Variants in TMEM132C observed in about 807,000 individuals in gnomAD.
The protein encoded by TMEM132C is protein phosphatase 1, regulatory subunit 152.
In TMEM132C, 29 loss-of-function variants were observed where a neutral mutation model predicts 61.4. The ratio of observed to expected loss-of-function variants is 0.47; its 90% CI spans 0.35 to 0.64. TMEM132C has a LOEUF of 0.64. TMEM132C is among the 30% of genes least tolerant of loss of function. The pLI, the probability that TMEM132C is intolerant of heterozygous loss-of-function variation, is 0.00. For synonymous variants in TMEM132C, 656 were observed against 633.1 expected (o/e 1.04, Z -0.54); for missense variants, 1,408 against 1,476.9 (o/e 0.95, Z 0.76).
intron 2 of TMEM132C, among the ~76,000 whole-genome samples, chr12:128,534,899 C>A (rs1003738087): frequency 9.2e-5 from 14 of 152,218 alleles, no homozygotes; most frequent in Non-Finnish European, 1.6e-4. Context: ...TGAACATGCA[C>A]TATTAAGCGG....
At chr12:128,661,834 G>T (rs1338876854) in intron 4 of TMEM132C, among the ~76,000 whole-genome samples, 2 of 152,168 alleles carry the variant, frequency 1.3e-5, no homozygotes, top group Non-Finnish European at 2.9e-5. Flanking sequence ...AACACAGGTT[G>T]ATGAAAGTAC....
chr12:128,534,600 C>T (rs1007921863), intron 2 of TMEM132C, among the ~76,000 whole-genome samples: 8 of 152,248 alleles, frequency 5.3e-5, no homozygotes, highest in Non-Finnish European at 7.3e-5. Context: ...CACTGGCCAG[C>T]TTCCCTGGGC....
intron 5 of TMEM132C, among the ~76,000 whole-genome samples, chr12:128,691,291 T>C (rs1954717648): frequency 6.6e-6 from 1 of 152,246 alleles, no homozygotes; most frequent in Admixed American, 6.5e-5. Flanking sequence ...AATTAACTTC[T>C]TGTGTTTTTG....
intron 2 of TMEM132C, among the ~76,000 whole-genome samples, chr12:128,477,559 TTTG>T (rs946042814): frequency 4.0e-5 from 6 of 149,848 alleles, no homozygotes; most frequent in Non-Finnish European, 8.9e-5. Context: ...CAGGCACCAT[TTTG>T]TTTGTTTGTT....
chr12:128,447,196 C>T (rs1044433931), intron 2 of TMEM132C, among the ~76,000 whole-genome samples: 1 of 152,146 alleles, frequency 6.6e-6, no homozygotes, highest in African/African-American at 2.4e-5. Flanking sequence ...CGCCTGTGTC[C>T]ACTTACTTAA....
chr12:128,313,288 A>G lies in TMEM132C; in HGVS notation c.85+45801A>G, dbSNP rs79443376. Among the ~76,000 whole-genome samples the G allele has an allele frequency of 8.7e-3, 1,323 of 152,320 alleles. 7 individuals are homozygous for G. The highest frequency in any genetic ancestry group is 0.014 in the Admixed American group (210 of 15,306). ...ATAGGACATCACCTCATAACTGCTC[A>G]TAAAGAGAGTTCCCAGAAGCTAAGT... On this transcript the variant is annotated intron_variant, in intron 1 of 8. Coordinates refer to ENST00000435159, the MANE Select transcript of TMEM132C (RefSeq NM_001136103.3).
intron 1 of TMEM132C, among the ~76,000 whole-genome samples, chr12:128,324,029 A>G (rs538901776): frequency 2.6e-5 from 4 of 152,350 alleles, no homozygotes; most frequent in African/African-American, 9.6e-5. Flanking sequence ...GACAGATCTC[A>G]GTAAAGAGCA....
rs1425371789 is a variant in TMEM132C at position 128,278,314 on chromosome 12, T to C, written c.85+10827T>C. On this transcript the variant is annotated intron_variant, in intron 1 of 8. Transcript: ENST00000435159. This position sits in a 1 kb window ranked among gnomAD's most constrained non-coding sequence, Gnocchi z 4.2. ...ACGACACAGCCCCGGGTTACCATTT[T>C]CTTTATTTTCCACTGTTTAATTGTA... 6.6e-6 allele frequency among the ~76,000 whole-genome samples: 1 copy of C among 152,212 alleles called. No individual in the cohort carries two copies. The highest frequency in any genetic ancestry group is 6.5e-5 in the Admixed American group (1 of 15,280).
chr12:128,643,339 CCTGGCTGCTGCTGT>C (rs1455973959), intron 4 of TMEM132C, among the ~76,000 whole-genome samples: 1 of 152,182 alleles, frequency 6.6e-6, no homozygotes, highest in Non-Finnish European at 1.5e-5. Flanking sequence ...AAGGGAGGCC[CCTGGCTGCTGCTGT>C]CTGGGCATAC....
At chr12:128,358,069 C>A (rs986097954) in intron 1 of TMEM132C, among the ~76,000 whole-genome samples, 1 of 152,022 alleles carries the variant, frequency 6.6e-6, no homozygotes, top group African/African-American at 2.4e-5. Context: ...TGGGGAGAGA[C>A]CCCTGTGAGC....
chr12:128,298,418 A>C lies in TMEM132C; in HGVS notation c.85+30931A>C, dbSNP rs563453129. On this transcript the variant is annotated intron_variant, in intron 1 of 8. Transcript: ENST00000435159. ...TTTTTTTGTCTGTTTATTTGTTTTA[A>C]CTTTTTTTTTTAAATAGAGACTCAC... Among the ~76,000 whole-genome samples the C allele has an allele frequency of 2.5e-3, 380 of 149,848 alleles. 3 individuals are homozygous for C. Among genetic ancestry groups the C allele is most frequent in the African/African-American group, 9.1e-3 (373 of 41,016 alleles).
chr12:128,631,924 G>T (rs1162766654), intron 4 of TMEM132C, among the ~76,000 whole-genome samples: 1 of 152,132 alleles, frequency 6.6e-6, no homozygotes. Context: ...ACTGTGACTG[G>T]CCAGGAATGG....
chr12:128,313,608 G>T (rs1196271190), intron 1 of TMEM132C, among the ~76,000 whole-genome samples: 1 of 152,202 alleles, frequency 6.6e-6, no homozygotes, highest in Non-Finnish European at 1.5e-5. Context: ...CCAAGGTCCT[G>T]CAGGACAAGG....
intron 1 of TMEM132C, among the ~76,000 whole-genome samples, chr12:128,399,520 A>AT (rs1256207443): frequency 2.0e-5 from 3 of 151,908 alleles, no homozygotes; most frequent in South Asian, 2.1e-4. Flanking sequence ...ATCCCTCCAG[A>AT]TTTTTTTTTC....
In TMEM132C at chr12:128,396,831, G is replaced by A. The variant is rs374036292; in HGVS notation, c.86-17901G>A. On this transcript the variant is annotated intron_variant, in intron 1 of 8. Coordinates refer to ENST00000435159, the MANE Select transcript of TMEM132C (RefSeq NM_001136103.3). Reference sequence around the variant, plus strand: ...CCCTCTCCACAGAGCCCTATCCTCTGTATCTCTTCTCTTTCTTTCTTCACT... The same window carrying A: ...CCCTCTCCACAGAGCCCTATCCTCTATATCTCTTCTCTTTCTTTCTTCACT... Among the ~76,000 whole-genome samples, 8 of 152,306 alleles carry A rather than the reference G, an allele frequency of 5.3e-5. No individual in the cohort carries two copies. In the East Asian group the frequency reaches 1.5e-3, roughly 29 times the overall value.
At chr12:128,410,790 A>T (rs1868510623) in intron 1 of TMEM132C, among the ~76,000 whole-genome samples, 1 of 152,210 alleles carries the variant, frequency 6.6e-6, no homozygotes, top group Admixed American at 6.5e-5. Context: ...TTGATACAAA[A>T]TTATTAGCTA....
chr12:128,390,323 C>T (rs1874722089), intron 1 of TMEM132C, among the ~76,000 whole-genome samples: 1 of 152,228 alleles, frequency 6.6e-6, no homozygotes, highest in Non-Finnish European at 1.5e-5. Context: ...TATGTTCCTC[C>T]TGGCAGCTCC....
chr12:128,585,785 G>A (rs1018682586), intron 3 of TMEM132C, among the ~76,000 whole-genome samples: 26 of 152,202 alleles, frequency 1.7e-4, no homozygotes, highest in South Asian at 6.2e-4. Flanking sequence ...AAATCGGCCC[G>A]TCGCTGAAGG....
At chr12:128,440,662 A>G (rs2136046530) in intron 2 of TMEM132C, among the ~76,000 whole-genome samples, 1 of 152,350 alleles carries the variant, frequency 6.6e-6, no homozygotes, top group African/African-American at 2.4e-5. Flanking sequence ...ACTTCTTGCT[A>G]GCAGCAAAGG....
Sources: gnomAD v4.1 joint callset for allele counts (sites outside exome capture counted in the v4.1 genomes callset) on GRCh38, gnomAD v4.1.1 for gene constraint, Gnocchi (gnomAD v3.1) non-coding constraint, MANE v1.5 for transcripts, NCBI Gene and HGNC (gene_info 2026-07-23, HGNC 2026-07-21) for gene names.